The following ATP7A variants were observed in gnomAD, a reference collection of about 807,000 sequenced individuals.
ATP7A encodes the protein ATPase copper transporting alpha, also known as copper-transporting ATPase 1.
ATP7A carries 7 observed loss-of-function variants against 83.5 expected under a neutral mutation model. That is an observed-to-expected ratio of 0.08 (90% CI 0.05 to 0.16). ATP7A has a LOEUF of 0.16. Ranked by LOEUF, ATP7A falls within the 10% of genes least tolerant of loss-of-function variation. The pLI, the probability that ATP7A is intolerant of heterozygous loss-of-function variation, is 1.00. For missense variants in ATP7A, 940 were observed against 1,120.8 expected (o/e 0.84, Z 2.30); for synonymous variants, 354 against 395.2 (o/e 0.90, Z 1.24).
chrX:77,966,300 A>C (rs1007814105), intron 1 of ATP7A, among the ~76,000 whole-genome samples: 9 of 112,253 alleles, frequency 8.0e-5, no homozygotes. Flanking sequence ...CCAAAACTAC[A>C]AAAACTCTTA....
intron 1 of ATP7A, among the ~76,000 whole-genome samples, chrX:77,954,017 A>G (rs1268858037): frequency 1.8e-5 from 2 of 112,674 alleles, no homozygotes; most frequent in African/African-American, 6.4e-5. Flanking sequence ...AGGAGTCACA[A>G]AAATGACCAG....
intron 1 of ATP7A, among the ~76,000 whole-genome samples, chrX:77,951,165 A>T (rs1447875895): frequency 8.9e-6 from 1 of 112,224 alleles, no homozygotes; most frequent in African/African-American, 3.2e-5. Context: ...ATGTTTTTGC[A>T]GTTTGTTTAC....
chrX:78,007,407 G>T (rs1557233860), intron 6 of ATP7A, among the ~76,000 whole-genome samples: 1 of 110,752 alleles, frequency 9.0e-6, no homozygotes, highest in Non-Finnish European at 1.9e-5. Context: ...CTCACTGCAA[G>T]CCCCGCCTCC....
rs1320582991 is a variant in ATP7A, at chrX:78,049,936, T to G, written c.*3366T>G. On this transcript the variant is annotated 3_prime_UTR_variant, in exon 23 of 23. Coordinates refer to ENST00000341514, the MANE Select transcript of ATP7A (RefSeq NM_000052.7). ...GGTTATTTTAAAAAGAATAAAGACA[T>G]TCCTGGAATCACTCCTTTTGGGTTT... 8.9e-6 allele frequency: 1 copy of G among 112,375 alleles called. No individual in the cohort carries two copies. The highest frequency in any genetic ancestry group is 1.9e-5 in the Non-Finnish European group (1 of 53,155). The allele number at this position is 112,375 out of a possible 1,213,427, so 9.3% of individuals were successfully genotyped here. A position where few individuals can be genotyped will look rare whatever the true frequency, so the allele number is the denominator to read the frequency against.
At chrX:78,015,357 C>T (rs1338128707) in intron 11 of ATP7A, among the ~76,000 whole-genome samples, 2 of 112,040 alleles carry the variant, frequency 1.8e-5, no homozygotes, top group African/African-American at 6.5e-5. Context: ...TGTTCTATAA[C>T]TCCTATGTTA....
At chrX:78,042,536 C>T in intron 19 of ATP7A, 49 bp from the exon 20 acceptor site, 1 of 1,145,555 alleles carries the variant, frequency 8.7e-7, no homozygotes, top group Non-Finnish European at 1.2e-6. Context: ...AGTTATGTTT[C>T]ACGTACTCAT....
intron 1 of ATP7A, among the ~76,000 whole-genome samples, chrX:77,938,841 C>T (rs1557225327): frequency 9.0e-6 from 1 of 111,711 alleles, no homozygotes; most frequent in South Asian, 3.7e-4. Flanking sequence ...CTGTCCATGT[C>T]TCCTTTTAAA....
chrX:78,020,258 G>A lies in ATP7A; in HGVS notation c.2641G>A (p.Val881Met). ...ESLITGEAMP[V>M]AKKPGSTVIA... is the part of the protein sequence containing the mutation. ...TCTCCATACAGGGGAGGCAATGCCT[G>A]TGGCTAAGAAACCTGGCAGCACAGT... Residue 881 changes from valine to methionine, a missense_variant, in exon 13 of 23, where the codon GTG becomes ATG. Val to Met is a conservative substitution (Grantham distance 21). Around this residue, in one of 3 missense-constraint regions of ATP7A, gnomAD observed 386 missense variants for 502.2 expected, o/e 0.77. Transcript: ENST00000341514. 1 of 1,211,722 alleles carries A rather than the reference G, an allele frequency of 8.3e-7. No individual in the cohort carries two copies. The highest frequency in any genetic ancestry group is 1.7e-5 in the African/African-American group (1 of 57,848).
chrX:78,043,134 G>A (rs1165426070), intron 20 of ATP7A, among the ~76,000 whole-genome samples, 183 bp from the exon 21 acceptor site: 1 of 112,528 alleles, frequency 8.9e-6, no homozygotes, highest in Non-Finnish European at 1.9e-5. Flanking sequence ...TCAGAACCCT[G>A]AGGAAAATTT....
rs781968399 is a variant in ATP7A, at chrX:78,031,404, A to G, written c.3116A>G (p.Lys1039Arg). The change falls in exon 16 of 23, where the codon AAG (lysine) becomes AGG (arginine). Residue 1039 changes from lysine to arginine, a missense_variant. Lys to Arg is a conservative substitution (Grantham distance 26). This residue lies in a region of ATP7A where 386 missense variants were observed against 502.2 expected (regional missense o/e 0.77). Transcript: ENST00000341514. ...GEPLEMAHKV[K>R]VVVFDKTGTI... ...TGTATCTTAATTTTTTTACAGGTAAAGGTAGTGGTATTTGATAAGACTGGA... is the reference window on the plus strand; with the variant it reads ...TGTATCTTAATTTTTTTACAGGTAAGGGTAGTGGTATTTGATAAGACTGGA... 5 of 1,207,137 alleles carry G rather than the reference A, an allele frequency of 4.1e-6. No individual in the cohort carries two copies. The African/African-American group carries it at 5.3e-5, about 13-fold the overall frequency.
chrX:78,019,890 C>T (rs782562413), intron 12 of ATP7A, among the ~76,000 whole-genome samples: 2 of 111,149 alleles, frequency 1.8e-5, no homozygotes, highest in Admixed American at 9.6e-5. Flanking sequence ...CACACTAAAT[C>T]GAAGTAGTAG....
At chrX:77,942,562 C>G (rs1557225776) in intron 1 of ATP7A, among the ~76,000 whole-genome samples, 2 of 109,059 alleles carry the variant, frequency 1.8e-5, no homozygotes, top group African/African-American at 6.7e-5. Context: ...CCTCCTGTCT[C>G]AGCCTCCTGT....
intron 14 of ATP7A, among the ~76,000 whole-genome samples, chrX:78,026,447 T>C (rs782548835): frequency 8.9e-6 from 1 of 112,005 alleles, no homozygotes; most frequent in Admixed American, 9.5e-5. Context: ...CAAATACTGC[T>C]AGACCTACAA....
At chrX:77,979,867 T>C (rs1026399247) in intron 2 of ATP7A, among the ~76,000 whole-genome samples, 1 of 112,558 alleles carries the variant, frequency 8.9e-6, no homozygotes, top group African/African-American at 3.2e-5. Flanking sequence ...AGTTATACAG[T>C]AAATAAATGT....
In ATP7A at chrX:78,049,437, A is replaced by G; in HGVS notation, c.*2867A>G. The G allele has an allele frequency of 8.9e-6, 1 of 112,614 alleles. No individual in the cohort carries two copies. Among genetic ancestry groups the G allele is most frequent in the Non-Finnish European group, 1.9e-5 (1 of 53,193 alleles). The allele number at this position is 112,614 out of a possible 1,213,427, so 9.3% of individuals were successfully genotyped here. A position where few individuals can be genotyped will look rare whatever the true frequency, so the allele number is the denominator to read the frequency against. On this transcript the variant is annotated 3_prime_UTR_variant, in exon 23 of 23. Coordinates refer to ENST00000341514, the MANE Select transcript of ATP7A (RefSeq NM_000052.7). ...ACCATGCCCTTAGTCTGAAGATAAC[A>G]AGGATACTTTAATATCCAGTGCCGG...
At chrX:77,966,575 G>A (rs919341050) in intron 1 of ATP7A, among the ~76,000 whole-genome samples, 2 of 111,781 alleles carry the variant, frequency 1.8e-5, no homozygotes, top group African/African-American at 3.3e-5. Flanking sequence ...TGAAATGGCC[G>A]TATAGGCAAA....
chrX:77,945,811 T>C (rs2077376361), intron 1 of ATP7A, among the ~76,000 whole-genome samples: 1 of 111,775 alleles, frequency 8.9e-6, no homozygotes, highest in Non-Finnish European at 1.9e-5. Flanking sequence ...TATGTTTAAT[T>C]ATGAGTTTTA....
intron 12 of ATP7A, among the ~76,000 whole-genome samples, chrX:78,018,810 C>T (rs2077886201): frequency 8.9e-6 from 1 of 111,973 alleles, no homozygotes; most frequent in African/African-American, 3.3e-5. Flanking sequence ...CTGGGAAGGC[C>T]TCAGGAAACT....
At chrX:77,994,894 C>T (rs1368488634) in intron 4 of ATP7A, among the ~76,000 whole-genome samples, 3 of 110,961 alleles carry the variant, frequency 2.7e-5, no homozygotes, top group African/African-American at 9.8e-5. Context: ...TTAAGGGCCC[C>T]GGGAATCAAT....
Sources: allele counts gnomAD v4.1 joint callset (sites outside exome capture counted in the v4.1 genomes callset), GRCh38; gene constraint gnomAD v4.1.1; regional missense constraint gnomAD v4.1.1; transcripts MANE v1.5; gene names NCBI Gene and HGNC (gene_info 2026-07-23, HGNC 2026-07-21).